Variants in HGD observed in about 807,000 individuals in gnomAD.
HGD encodes the protein homogentisate oxidase.
HGD carries 61 observed loss-of-function variants against 60.8 expected under a neutral mutation model. The observed-to-expected ratio is 1.00, with a 90% confidence interval of 0.82 to 1.24. HGD has a LOEUF of 1.24. Ranked by LOEUF, HGD falls within the 50% of genes most tolerant of loss-of-function variation. The probability of loss-of-function intolerance (pLI) is 0.00; values close to 1 mark genes in which losing one functional copy is unlikely to be tolerated. For synonymous variants in HGD, 212 were observed against 187.7 expected, an observed-to-expected ratio of 1.13 and a Z score of -1.06; for missense variants, 542 against 547.1, an observed-to-expected ratio of 0.99 and a Z score of 0.09.
chr3:120,659,240 A>G (rs953942762), intron 4 of HGD, among the ~76,000 whole-genome samples: 1 of 152,258 alleles, frequency 6.6e-6, no homozygotes, highest in African/African-American at 2.4e-5. Context: ...ATTTAAATAT[A>G]GGTTTAAATC....
chr3:120,640,609 C>CG (rs1411697091), intron 11 of HGD, among the ~76,000 whole-genome samples: 1 of 152,192 alleles, frequency 6.6e-6, no homozygotes, highest in African/African-American at 2.4e-5. Flanking sequence ...ATAAACCCAA[C>CG]CCTTATTGCT....
chr3:120,639,790 A>G (rs1216031785), intron 11 of HGD, among the ~76,000 whole-genome samples: 1 of 152,218 alleles, frequency 6.6e-6, no homozygotes, highest in Non-Finnish European at 1.5e-5. Flanking sequence ...TTTCAGGTCT[A>G]AAACACAGCA....
intron 13 of HGD, among the ~76,000 whole-genome samples, chr3:120,628,880 T>C (rs1214607333): frequency 6.6e-6 from 1 of 152,236 alleles, no homozygotes; most frequent in Non-Finnish European, 1.5e-5. Flanking sequence ...ATCCATCTTC[T>C]GAGGGCCTTC....
intron 9 of HGD, among the ~76,000 whole-genome samples, chr3:120,645,343 A>T (rs1941127046): frequency 1.3e-5 from 2 of 152,122 alleles, no homozygotes; most frequent in Non-Finnish European, 2.9e-5. Flanking sequence ...TCCTCAGAGG[A>T]GCTGACCAGA....
chr3:120,628,565 G>A, intron 13 of HGD, 36 bp from the exon 14 acceptor site: 1 of 1,607,904 alleles, frequency 6.2e-7, no homozygotes, highest in Non-Finnish European at 8.5e-7. Flanking sequence ...GAAAAAAGAG[G>A]TGAGATAGAT....
In HGD at chr3:120,647,893, A is replaced by G. The variant is rs1273930813; in HGVS notation, c.453T>C (p.Asp151=). ...SMENRCFYNS[D]GDFLIVPQKG... The stretch of plus-strand genomic sequence containing the variant: ...AGAACTCACCAATCAAGAAGTCCCC[A>G]TCTGAATTGTAAAAGCATCTGAAAC... Residue 151 remains aspartate, a synonymous_variant, in exon 7 of 14, where the codon GAT becomes GAC. Coordinates refer to ENST00000283871, the MANE Select transcript of HGD (RefSeq NM_000187.4). 6.2e-7 allele frequency: 1 copy of G among 1,612,436 alleles called. No individual in the cohort carries two copies. The highest frequency in any genetic ancestry group is 1.1e-5 in the South Asian group (1 of 91,068).
chr3:120,675,930 G>T, intron 1 of HGD, 67 bp from the exon 2 acceptor site: 2 of 1,173,502 alleles, frequency 1.7e-6, no homozygotes, highest in Non-Finnish European at 2.6e-6. Flanking sequence ...AAAATTGGCA[G>T]TTTACTAAGG....
intron 13 of HGD, 133 bp from the exon 14 acceptor site, chr3:120,628,662 G>T: frequency 9.4e-7 from 1 of 1,067,210 alleles, no homozygotes; most frequent in Non-Finnish European, 1.4e-6. Flanking sequence ...TGCTAGAGTG[G>T]TGAGGAGAGC....
intron 3 of HGD, chr3:120,674,430 A>G (rs1708083581): frequency 5.1e-6 from 1 of 196,318 alleles, no homozygotes. Context: ...GTGGGCCATA[A>G]TATGTGACTT....
chr3:120,674,618 C>T (rs1708087402), intron 3 of HGD: 1 of 370,686 alleles, frequency 2.7e-6, no homozygotes, highest in Non-Finnish European at 5.2e-6. Context: ...GAAGACCAAA[C>T]TATTAGGAAT....
chr3:120,633,355 T>A, intron 12 of HGD, 27 bp from the exon 13 acceptor site: 1 of 1,614,152 alleles, frequency 6.2e-7, no homozygotes. Flanking sequence ...AGTATTATTT[T>A]TATTATCCAA....
intron 4 of HGD, among the ~76,000 whole-genome samples, chr3:120,663,494 C>T (rs34807255): frequency 0.21 from 31,268 of 152,088 alleles, 3,394 homozygotes; most frequent in East Asian, 0.32. Context: ...GACTACCTCC[C>T]ACCAGGTCCC....
At chr3:120,635,959 CCT>C (rs915044342) in intron 12 of HGD, among the ~76,000 whole-genome samples, 3 of 152,042 alleles carry the variant, frequency 2.0e-5, no homozygotes, top group Non-Finnish European at 1.5e-5. Flanking sequence ...ATCAGAATCC[CCT>C]GACTTGCCAG....
chr3:120,666,747 G>A (rs1405071391), intron 4 of HGD, among the ~76,000 whole-genome samples: 1 of 151,946 alleles, frequency 6.6e-6, no homozygotes, highest in Non-Finnish European at 1.5e-5. Flanking sequence ...CCCAGTCTCA[G>A]GTCATCTGCC....
At chr3:120,632,921 C>T (rs564812810) in intron 13 of HGD, among the ~76,000 whole-genome samples, 1 of 152,138 alleles carries the variant, frequency 6.6e-6, no homozygotes, top group African/African-American at 2.4e-5. Flanking sequence ...AAACTCAGAA[C>T]CCAGGTCTGA....
chr3:120,676,560 C>A (rs1708134923), intron 1 of HGD, among the ~76,000 whole-genome samples: 1 of 152,190 alleles, frequency 6.6e-6, no homozygotes, highest in Non-Finnish European at 1.5e-5. Context: ...TTTTTGCTAG[C>A]CTATAAGCTG....
intron 4 of HGD, among the ~76,000 whole-genome samples, chr3:120,655,301 G>T (rs999992871): frequency 6.6e-6 from 1 of 152,142 alleles, no homozygotes; most frequent in Non-Finnish European, 1.5e-5. Context: ...GGTGGTGGAA[G>T]AAAATGCAAC....
intron 7 of HGD, among the ~76,000 whole-genome samples, chr3:120,647,341 C>T (rs139804902): frequency 4.5e-4 from 69 of 152,240 alleles, no homozygotes; most frequent in African/African-American, 1.6e-3. Context: ...GATGGAAAAT[C>T]ACCCATTTCT....
At chr3:120,663,897 G>A (rs1707836467) in intron 4 of HGD, among the ~76,000 whole-genome samples, 1 of 151,954 alleles carries the variant, frequency 6.6e-6, no homozygotes, top group Non-Finnish European at 1.5e-5. Context: ...ATCTAAGACT[G>A]CATTACACCA....
Sources: allele counts gnomAD v4.1 joint callset (sites outside exome capture counted in the v4.1 genomes callset), GRCh38; gene constraint gnomAD v4.1.1; transcripts MANE v1.5; gene names NCBI Gene and HGNC (gene_info 2026-07-23, HGNC 2026-07-21).